The following DIS3 variants were observed in gnomAD, a reference collection of about 807,000 sequenced individuals.
DIS3 encodes exosome complex exonuclease RRP44.
In DIS3, 103 loss-of-function variants were observed where a neutral mutation model predicts 113.0. The observed-to-expected ratio is 0.91, with a 90% CI of 0.78 to 1.07. DIS3 has a LOEUF of 1.07. DIS3 is among the 50% of genes least tolerant of loss of function. DIS3 has a pLI of 0.00. For missense variants in DIS3, 1,121 were observed against 1,167.1 expected (o/e 0.96, Z 0.58); for synonymous variants, 402 against 394.3 (o/e 1.02, Z -0.23).
At chr13:72,768,982 A>C (rs967558770) in intron 13 of DIS3, 70 bp from the exon 14 acceptor site, 3 of 963,046 alleles carry the variant, frequency 3.1e-6, no homozygotes, top group East Asian at 5.3e-5. Context: ...ATGTCCTCCT[A>C]CTTTCACTAC....
chr13:72,773,014 A>C (rs143240634), intron 8 of DIS3, among the ~76,000 whole-genome samples, 175 bp from the exon 9 acceptor site: 18 of 152,324 alleles, frequency 1.2e-4, no homozygotes, highest in Non-Finnish European at 1.9e-4. Context: ...TTTATGATGG[A>C]AACTTTGTAA....
At chr13:72,776,244 G>C in intron 4 of DIS3, 152 bp from the exon 5 acceptor site, 3 of 695,474 alleles carry the variant, frequency 4.3e-6, no homozygotes, top group Non-Finnish European at 6.4e-6. Flanking sequence ...TTATAGGCCA[G>C]TGCTAACAAA....
At chr13:72,778,688 T>C (rs2034080877) in intron 2 of DIS3, among the ~76,000 whole-genome samples, 1 of 152,174 alleles carries the variant, frequency 6.6e-6, no homozygotes. Context: ...AGACACTAAA[T>C]AATAGTTTGT....
chr13:72,771,823 C>A lies in DIS3; in HGVS notation c.1577G>T (p.Arg526Ile). 6.2e-7 allele frequency: 1 copy of A among 1,613,722 alleles called. No individual in the cohort carries two copies. The highest frequency in any genetic ancestry group is 8.5e-7 in the Non-Finnish European group (1 of 1,179,848). The change falls in exon 11 of 21, where the codon AGA (arginine) becomes ATA (isoleucine). Residue 526 changes from arginine to isoleucine, a missense_variant. By Grantham distance (97) the Arg-to-Ile change is moderately conservative. Transcript: ENST00000377767. ...GNALDQESARRGTTVYLCEKR... is the reference protein window; with the variant it reads ...GNALDQESARIGTTVYLCEKR... ...TTCACAAAGATACACAGTTGTTCCT[C>A]TTCTGGCTGATTCTTGATCCAAGGC...
At chr13:72,774,271 A>G (rs908741887) in intron 6 of DIS3, among the ~76,000 whole-genome samples, 1 of 152,194 alleles carries the variant, frequency 6.6e-6, no homozygotes, top group Non-Finnish European at 1.5e-5. Flanking sequence ...AAAGTACTAC[A>G]AAACAATCAA....
At chr13:72,767,901 TCAA>T (rs936542063) in intron 14 of DIS3, among the ~76,000 whole-genome samples, 6 of 152,182 alleles carry the variant, frequency 3.9e-5, no homozygotes, top group African/African-American at 1.2e-4. Flanking sequence ...CCTCTGATAG[TCAA>T]CAACGTCTTT....
Position 72,773,946 on chromosome 13 carries a change from C to T in DIS3, c.1101G>A (p.Glu367=). 1 of 1,602,954 alleles carries T rather than the reference C, an allele frequency of 6.2e-7. No homozygotes were observed. The highest frequency in any genetic ancestry group is 8.5e-7 in the Non-Finnish European group (1 of 1,175,442). The change falls in exon 7 of 21, where the codon GAG becomes GAA. Residue 367 remains glutamate (E), a splice_region_variant and synonymous_variant. Coordinates refer to ENST00000377767, the MANE Select transcript of DIS3 (RefSeq NM_014953.5). ...CGMLSKSDIK[E]SRRHLFTPAD... ...TACATAGTAAATGCTCTTTACTCAC[C>T]TCCTTAATGTCAGACTTGGAAAGCA... is the stretch of plus-strand genomic sequence containing the variant.
chr13:72,778,393 A>G lies in DIS3; in HGVS notation c.387-13T>C, dbSNP rs996620938. On this transcript the variant is annotated splice_polypyrimidine_tract_variant and intron_variant, in intron 2 of 20. Transcript: ENST00000377767. The stretch of plus-strand genomic sequence containing the variant: ...TACATAGGTTTCTCTAAATGGAAAG[A>G]AAAAACGAAATAAAAGGAAATCAGT... 11 of 1,533,650 alleles carry G rather than the reference A, an allele frequency of 7.2e-6. No individual in the cohort carries two copies. The African/African-American group carries it at 1.5e-4, about 21-fold the overall frequency.
intron 13 of DIS3, among the ~76,000 whole-genome samples, chr13:72,769,787 C>T (rs1004721989): frequency 6.6e-6 from 1 of 152,178 alleles, no homozygotes; most frequent in African/African-American, 2.4e-5. Context: ...CAGTCTAACA[C>T]TGTTTTCTTT....
At position 72,775,243 on chromosome 13, in the gene DIS3, C is replaced by G. The variant is rs1396398006; in HGVS notation, c.955G>C (p.Asp319His). Reference protein sequence around the residue: ...VLHDEGQNEEDVEKEEETERM... With the variant: ...VLHDEGQNEEHVEKEEETERM... ...TCTGTCTCTTCTTCTTTCTCCACAT[C>G]TTCTTCATTTTGACCTTCATCATGT... The change falls in exon 6 of 21, where the codon GAT becomes CAT. Residue 319 changes from aspartate (D) to histidine (H), a missense_variant. Asp to His is a moderately conservative substitution (Grantham distance 81). Around this residue, in one of 3 missense-constraint regions of DIS3, gnomAD observed 861 missense variants for 915.5 expected, o/e 0.94. Coordinates refer to ENST00000377767, the MANE Select transcript of DIS3 (RefSeq NM_014953.5). 2 of 1,613,386 alleles carry G rather than the reference C, an allele frequency of 1.2e-6. No homozygotes were observed. Among genetic ancestry groups the G allele is most frequent in the Admixed American group, 1.7e-5 (1 of 59,928 alleles).
rs761750749 is a variant in DIS3 at position 72,763,543 on chromosome 13, G to C, written c.2035C>G (p.His679Asp). The C allele has an allele frequency of 5.0e-6, 8 of 1,613,690 alleles. No individual in the cohort carries two copies. Among genetic ancestry groups the C allele is most frequent in the Non-Finnish European group, 6.8e-6 (8 of 1,179,906 alleles). ...LANISVAKKI[H>D]EEFSEHALLR... ...AGAGCATGTTCAGAAAATTCCTCATGAATTTTTTTTGCAACAGAAATATTG... is the reference window on the plus strand; with the variant it reads ...AGAGCATGTTCAGAAAATTCCTCATCAATTTTTTTTGCAACAGAAATATTG... The change falls in exon 16 of 21, where the codon CAT becomes GAT. Residue 679 changes from histidine to aspartate, a missense_variant. His to Asp is a moderately conservative substitution (Grantham distance 81). Coordinates refer to ENST00000377767, the MANE Select transcript of DIS3 (RefSeq NM_014953.5).
chr13:72,760,696 T>C (rs761533329), intron 19 of DIS3, 45 bp from the exon 20 acceptor site: 1 of 1,597,202 alleles, frequency 6.3e-7, no homozygotes, highest in South Asian at 1.1e-5. Flanking sequence ...TCCTTACATT[T>C]GAGGCTTTGT....
Position 72,761,986 on chromosome 13 carries a change from T to C in DIS3, c.2279A>G (p.Asn760Ser). Reference sequence around the variant, plus strand: ...CGCTAAGCCATAGTGATGAAAATCATTATCCATTCCAGAACAGAAGTACAC... The same window carrying C: ...CGCTAAGCCATAGTGATGAAAATCACTATCCATTCCAGAACAGAAGTACAC... ...QAVYFCSGMDNDFHHYGLASP... is the reference protein window; with the variant it reads ...QAVYFCSGMDSDFHHYGLASP... Residue 760 changes from asparagine to serine, a missense_variant, in exon 17 of 21, where the codon AAT becomes AGT. Asn to Ser is a conservative substitution (Grantham distance 46). Around this residue, in one of 3 missense-constraint regions of DIS3, gnomAD observed 861 missense variants for 915.5 expected, o/e 0.94. Coordinates refer to ENST00000377767, the MANE Select transcript of DIS3 (RefSeq NM_014953.5). 1 of 1,614,162 alleles carries C rather than the reference T, an allele frequency of 6.2e-7. No homozygotes were observed. Among genetic ancestry groups the C allele is most frequent in the Non-Finnish European group, 8.5e-7 (1 of 1,180,024 alleles).
In DIS3 at chr13:72,758,396, C is replaced by G. The variant is rs1159557219; in HGVS notation, c.*1399G>C. On this transcript the variant is annotated 3_prime_UTR_variant, in exon 21 of 21. Coordinates refer to ENST00000377767, the MANE Select transcript of DIS3 (RefSeq NM_014953.5). ...ATATATGAAACTTAACAAATCAGGC[C>G]TTGTTGAAACACAGTCATGTTGATT... 1 of 190,526 alleles carries G rather than the reference C, an allele frequency of 5.2e-6. No individual in the cohort carries two copies. The highest frequency in any genetic ancestry group is 6.1e-5 in the Admixed American group (1 of 16,264). The allele number at this position is 190,526 out of a possible 1,614,324, so 11.8% of individuals were successfully genotyped here. A position where few individuals can be genotyped will look rare whatever the true frequency, so the allele number is the denominator to read the frequency against.
At position 72,762,032 on chromosome 13, in the gene DIS3, T is replaced by C. The variant is rs1163796754; in HGVS notation, c.2233A>G (p.Thr745Ala). 1.9e-6 allele frequency: 3 copies of C among 1,613,966 alleles called. No individual in the cohort carries two copies. The highest frequency in any genetic ancestry group is 2.5e-6 in the Non-Finnish European group (3 of 1,179,992). ...YLNTLLRILATRCMMQAVYFC... is the reference protein window; with the variant it reads ...YLNTLLRILAARCMMQAVYFC... ...TACACAGCTTGCATCATACAGCGAG[T>C]GGCTAATATTCTCAACAGAGTGTTT... The change falls in exon 17 of 21, where the codon ACT (threonine) becomes GCT (alanine). Residue 745 changes from threonine to alanine, a missense_variant. Coordinates refer to ENST00000377767, the MANE Select transcript of DIS3 (RefSeq NM_014953.5).
intron 6 of DIS3, 60 bp downstream of exon 6, chr13:72,775,151 G>A (rs1289731153): frequency 6.8e-7 from 1 of 1,462,046 alleles, no homozygotes; most frequent in Admixed American, 2.4e-5. Context: ...GTTTTCCAAA[G>A]CTGACATATT....
intron 10 of DIS3, 58 bp from the exon 11 acceptor site, chr13:72,771,954 TG>T (rs1384244258): frequency 5.0e-5 from 78 of 1,545,748 alleles, no homozygotes; most frequent in Non-Finnish European, 6.4e-5. Flanking sequence ...ATGTACCTAA[TG>T]GAGTTTTAAT....
Position 72,781,801 on chromosome 13 carries a change from G to T in DIS3, c.32C>A (p.Thr11Asn). ...GATCTTCATCACGCCGCCCGCCCGG[G>T]TCTTTTTTAAGAACGTCTTGGACTT... MLKSKTFLKKTRAGGVMKIVR... is the reference protein window; with the variant it reads MLKSKTFLKKNRAGGVMKIVR... Residue 11 changes from threonine (T) to asparagine (N), a missense_variant, in exon 1 of 21, where the codon ACC becomes AAC. Thr to Asn is a moderately conservative substitution (Grantham distance 65). Transcript: ENST00000377767. 6.2e-7 allele frequency: 1 copy of T among 1,604,056 alleles called. No individual in the cohort carries two copies. Among genetic ancestry groups the T allele is most frequent in the Non-Finnish European group, 8.5e-7 (1 of 1,175,016 alleles).
At position 72,756,101 on chromosome 13, in the gene DIS3, T is replaced by C; in HGVS notation, c.*3694A>G. On this transcript the variant is annotated 3_prime_UTR_variant, in exon 21 of 21. Coordinates refer to ENST00000377767, the MANE Select transcript of DIS3 (RefSeq NM_014953.5). ...TGGGAGTAGATGGGTATATAACAGTTTGGAAATACTATCTTTGGAGAATGT... is the reference window on the plus strand; with the variant it reads ...TGGGAGTAGATGGGTATATAACAGTCTGGAAATACTATCTTTGGAGAATGT... The C allele has an allele frequency of 2.5e-6, 1 of 396,836 alleles. No individual in the cohort carries two copies. 24.6% of individuals were successfully genotyped at this position (396,836 alleles called of 1,614,324 possible).
Sources: gnomAD v4.1 joint callset for allele counts (sites outside exome capture counted in the v4.1 genomes callset) on GRCh38, gnomAD v4.1.1 for gene constraint, gnomAD v4.1.1 regional missense constraint, MANE v1.5 for transcripts, NCBI Gene and HGNC (gene_info 2026-07-23, HGNC 2026-07-21) for gene names.